Variants in MAGI2 observed in about 807,000 individuals in gnomAD.
MAGI2 encodes the protein membrane associated guanylate kinase, WW and PDZ domain containing 2, also known as membrane-associated guanylate kinase, WW and PDZ domain-containing protein 2.
In MAGI2, 35 loss-of-function variants were observed where a neutral mutation model predicts 133.3. The ratio of observed to expected loss-of-function variants is 0.26; its 90% confidence interval spans 0.20 to 0.35. The LOEUF (loss-of-function observed/expected upper bound fraction) is 0.35, where lower values mean the gene tolerates loss of function less well. Ranked by LOEUF, MAGI2 falls within the 10% of genes least tolerant of loss-of-function variation. MAGI2 has a pLI of 1.00. For missense variants in MAGI2, 1,636 were observed against 1,863.4 expected (o/e 0.88, Z 2.25); for synonymous variants, 729 against 710.6 (o/e 1.03, Z -0.41).
chr7:78,968,759 C>T (rs1803535863), intron 2 of MAGI2, among the ~76,000 whole-genome samples: 1 of 151,952 alleles, frequency 6.6e-6, no homozygotes, highest in Admixed American at 6.6e-5. Flanking sequence ...TTTATTTCTT[C>T]TTTTAATTAT....
chr7:78,497,652 A>C (rs950508317), intron 5 of MAGI2, among the ~76,000 whole-genome samples: 6 of 152,204 alleles, frequency 3.9e-5, no homozygotes, highest in African/African-American at 1.4e-4. Flanking sequence ...TATACTGTTT[A>C]ATACGTCTTT....
At chr7:79,079,895 T>C (rs918870772) in intron 1 of MAGI2, among the ~76,000 whole-genome samples, 1 of 152,154 alleles carries the variant, frequency 6.6e-6, no homozygotes, top group Non-Finnish European at 1.5e-5. Context: ...ATTGGTATAT[T>C]ATTGGTACCT....
intron 6 of MAGI2, among the ~76,000 whole-genome samples, chr7:78,384,585 G>A (rs1045036133): frequency 2.0e-5 from 3 of 152,002 alleles, no homozygotes; most frequent in Non-Finnish European, 4.4e-5. Flanking sequence ...AATGTTTTGG[G>A]GTGAATTTAC....
In MAGI2 at chr7:78,698,272, G is replaced by A. The variant is rs1482442845; in HGVS notation, c.419-71033C>T. On this transcript the variant is annotated intron_variant, in intron 2 of 21. Transcript: ENST00000354212. ...TTGATCATTCCTAATCTGAAAATTC[G>A]AAATCCAAAAGGTTCCAAAATCTGA... Among the ~76,000 whole-genome samples the A allele has an allele frequency of 3.3e-5, 5 of 151,978 alleles. No individual in the cohort carries two copies. The East Asian group carries it at 5.8e-4, about 18-fold the overall frequency.
chr7:79,401,597 T>G (rs1223206290), intron 1 of MAGI2, among the ~76,000 whole-genome samples: 1 of 152,214 alleles, frequency 6.6e-6, no homozygotes, highest in East Asian at 1.9e-4. Flanking sequence ...AAGTCCAAAC[T>G]TAGATACAAA....
chr7:79,330,600 CAGT>C (rs1347132980), intron 1 of MAGI2, among the ~76,000 whole-genome samples: 2 of 151,900 alleles, frequency 1.3e-5, no homozygotes, highest in Non-Finnish European at 2.9e-5. Flanking sequence ...AAATGGTGGT[CAGT>C]AGTAGTTACA....
rs79981057 is a variant in MAGI2 at position 78,569,450 on chromosome 7, C to T, written c.539-47805G>A. On this transcript the variant is annotated intron_variant, in intron 3 of 21. Transcript: ENST00000354212. Reference sequence around the variant, plus strand: ...TAAACACCCCACACTAATGGCAAGCCATCTCTAGCTTCAAAATGCACGTTA... The same window carrying T: ...TAAACACCCCACACTAATGGCAAGCTATCTCTAGCTTCAAAATGCACGTTA... Among the ~76,000 whole-genome samples, 1,466 of 152,234 alleles carry T rather than the reference C, an allele frequency of 9.6e-3. 24 individuals are homozygous for T. Among genetic ancestry groups the T allele is most frequent in the African/African-American group, 0.034 (1,401 of 41,530 alleles).
At chr7:78,662,737 G>T (rs1275330151) in intron 2 of MAGI2, among the ~76,000 whole-genome samples, 2 of 152,164 alleles carry the variant, frequency 1.3e-5, no homozygotes, top group Non-Finnish European at 2.9e-5. Flanking sequence ...GTATATGACT[G>T]GTGAGGGTAA....
intron 2 of MAGI2, among the ~76,000 whole-genome samples, chr7:78,707,680 A>G (rs1398068605): frequency 6.6e-6 from 1 of 152,122 alleles, no homozygotes; most frequent in Non-Finnish European, 1.5e-5. Flanking sequence ...TTGCATTCTT[A>G]TATCTCATTA....
At position 78,867,814 on chromosome 7, in the gene MAGI2, G is replaced by C. The variant is rs534014730; in HGVS notation, c.418+139276C>G. Among the ~76,000 whole-genome samples, 3 of 152,224 alleles carry C rather than the reference G, an allele frequency of 2.0e-5. No homozygotes were observed. In the East Asian group the frequency reaches 5.8e-4, roughly 29 times the overall value. On this transcript the variant is annotated intron_variant, in intron 2 of 21. Coordinates refer to ENST00000354212, the MANE Select transcript of MAGI2 (RefSeq NM_012301.4). ...AAGAGTAAGAGACCGTAGCCCTTGG[G>C]ATGCGGAGAAGGCAGCAAATTTGGA... is the stretch of plus-strand genomic sequence containing the variant.
chr7:78,021,390 C>G (rs1808382833), intron 21 of MAGI2, among the ~76,000 whole-genome samples: 1 of 152,208 alleles, frequency 6.6e-6, no homozygotes, highest in South Asian at 2.1e-4. Flanking sequence ...AAGATTCAGT[C>G]CCACACAGCA....
intron 6 of MAGI2, among the ~76,000 whole-genome samples, chr7:78,449,985 A>C (rs1240138170): frequency 2.0e-5 from 3 of 152,098 alleles, no homozygotes; most frequent in African/African-American, 7.2e-5. Context: ...AGTTACATAA[A>C]TGGAGCTTCA....
intron 21 of MAGI2, chr7:78,078,688 G>A (rs1815621747): frequency 1.8e-6 from 1 of 571,376 alleles, no homozygotes; most frequent in Admixed American, 3.5e-5. Context: ...TGCCCTGAAA[G>A]GTCCTACATT....
chr7:78,429,520 G>T (rs1253973175), intron 6 of MAGI2, among the ~76,000 whole-genome samples: 3 of 151,754 alleles, frequency 2.0e-5, no homozygotes, highest in Non-Finnish European at 4.4e-5. Context: ...ACTGATAAAG[G>T]GATTAAACCC....
At chr7:78,044,678 C>T (rs1811210671) in intron 21 of MAGI2, among the ~76,000 whole-genome samples, 1 of 126,408 alleles carries the variant, frequency 7.9e-6, no homozygotes, top group African/African-American at 3.6e-5. Flanking sequence ...GCTAATGTAC[C>T]GTGTGTGTGT....
chr7:78,207,530 CAG>C (rs984897753), intron 10 of MAGI2, among the ~76,000 whole-genome samples: 3 of 152,158 alleles, frequency 2.0e-5, no homozygotes, highest in African/African-American at 4.8e-5. Context: ...TGTAAGCCAG[CAG>C]AGTCATGAGC....
intron 2 of MAGI2, among the ~76,000 whole-genome samples, chr7:78,923,371 T>C (rs1218228897): frequency 6.6e-6 from 1 of 152,196 alleles, no homozygotes; most frequent in Admixed American, 6.5e-5. Context: ...AATTTTTGTA[T>C]AAGGTGTAAG....
intron 1 of MAGI2, among the ~76,000 whole-genome samples, chr7:79,065,526 A>T (rs914667065): frequency 2.6e-5 from 4 of 152,178 alleles, no homozygotes; most frequent in African/African-American, 9.6e-5. Flanking sequence ...AATATGGTTA[A>T]TTGAAACTAT....
At chr7:78,254,049 C>T (rs951556223) in intron 10 of MAGI2, 32 of 152,106 alleles carry the variant, frequency 2.1e-4, no homozygotes, top group Admixed American at 1.9e-3. Flanking sequence ...TTTTGCTATG[C>T]TAGGCAAAAA....
Sources: allele counts gnomAD v4.1 joint callset (sites outside exome capture counted in the v4.1 genomes callset), GRCh38; gene constraint gnomAD v4.1.1; transcripts MANE v1.5; gene names NCBI Gene and HGNC (gene_info 2026-07-23, HGNC 2026-07-21).